The following ADAMTS19 variants were observed in gnomAD, a reference collection of about 807,000 sequenced individuals.
ADAMTS19 encodes A disintegrin and metalloproteinase with thrombospondin motifs 19.
ADAMTS19 carries 93 observed loss-of-function variants against 153.3 expected under a neutral mutation model. The ratio of observed to expected loss-of-function variants is 0.61; its 90% confidence interval spans 0.51 to 0.72. The LOEUF (loss-of-function observed/expected upper bound fraction) is 0.72, where lower values mean the gene tolerates loss of function less well. Among genes scored for constraint, ADAMTS19 ranks in the 30% least tolerant of loss-of-function variants. ADAMTS19 has a pLI of 0.00. For missense variants in ADAMTS19, 1,482 were observed against 1,552.1 expected (o/e 0.95, Z 0.76); for synonymous variants, 600 against 556.6 (o/e 1.08, Z -1.10).
At chr5:129,630,318 G>A (rs1010478923) in intron 10 of ADAMTS19, among the ~76,000 whole-genome samples, 1 of 152,158 alleles carries the variant, frequency 6.6e-6, no homozygotes, top group African/African-American at 2.4e-5. Flanking sequence ...TTTAAAAAAG[G>A]CTTAACATGA....
Position 129,506,508 on chromosome 5 carries a change from G to T in ADAMTS19, c.748-2569G>T, listed in dbSNP as rs918042558. ...GTGCAGGTTAGTTACATATGTATAC[G>T]TGTGCCATGTTGGTGTCCTGCACCC... On this transcript the variant is annotated intron_variant, in intron 2 of 22. Coordinates refer to ENST00000274487, the MANE Select transcript of ADAMTS19 (RefSeq NM_133638.6). Among the ~76,000 whole-genome samples, 3 of 151,594 alleles carry T rather than the reference G, an allele frequency of 2.0e-5. No homozygotes were observed. The South Asian group carries it at 6.2e-4, about 32-fold the overall frequency.
intron 8 of ADAMTS19, among the ~76,000 whole-genome samples, chr5:129,597,914 G>A (rs144985916): frequency 3.0e-5 from 4 of 134,242 alleles, no homozygotes; most frequent in African/African-American, 5.4e-5. Flanking sequence ...AAAAAAAAAA[G>A]AAAAAAAGAA....
chr5:129,642,344 T>C (rs30686), intron 11 of ADAMTS19, among the ~76,000 whole-genome samples: 62,779 of 151,770 alleles, frequency 0.41, 14,344 homozygotes, highest in African/African-American at 0.62. Context: ...ATAATTGACT[T>C]AGGAGAGCAA....
intron 10 of ADAMTS19, among the ~76,000 whole-genome samples, chr5:129,631,744 A>G (rs569944737): frequency 1.3e-5 from 2 of 152,096 alleles, no homozygotes; most frequent in Admixed American, 1.3e-4. Context: ...TACTATTTCA[A>G]CTGAGCCTCT....
chr5:129,647,954 T>G (rs1287863376), intron 12 of ADAMTS19, 59 bp downstream of exon 12: 1 of 1,558,874 alleles, frequency 6.4e-7, no homozygotes, highest in Non-Finnish European at 8.7e-7. Flanking sequence ...TGCAAAGGTT[T>G]TACTGATAAA....
In ADAMTS19 at chr5:129,719,085, TTTTCC is replaced by T. The variant is rs1190184678; in HGVS notation, c.3312+14698_3312+14702del. 3.2e-4 allele frequency among the ~76,000 whole-genome samples: 48 copies of T among 152,302 alleles called. 1 individual carries two copies. In the East Asian group the frequency reaches 8.9e-3, roughly 28 times the overall value. On this transcript the variant is annotated intron_variant, in intron 21 of 22. Coordinates refer to ENST00000274487, the MANE Select transcript of ADAMTS19 (RefSeq NM_133638.6). ...CCCCTAAATGCACTGAAATGTTTTTTTTTCCTTTAAGAATTAAAAAACAGACTGCT... is the reference window on the plus strand; with the variant it reads ...CCCCTAAATGCACTGAAATGTTTTTTTTTAAGAATTAAAAAACAGACTGCT...
chr5:129,546,465 T>C (rs1417885062), intron 6 of ADAMTS19, among the ~76,000 whole-genome samples: 1 of 150,646 alleles, frequency 6.6e-6, no homozygotes, highest in Non-Finnish European at 1.5e-5. Context: ...TGTAGAATTA[T>C]AAAGACGGAA....
chr5:129,564,095 A>AT (rs1319418313), intron 7 of ADAMTS19, among the ~76,000 whole-genome samples: 3 of 151,962 alleles, frequency 2.0e-5, no homozygotes, highest in Non-Finnish European at 4.4e-5. Flanking sequence ...AATTTTTTGT[A>AT]TTTTTAGTAG....
chr5:129,645,089 T>TA (rs1373952855), intron 11 of ADAMTS19, among the ~76,000 whole-genome samples: 4 of 152,172 alleles, frequency 2.6e-5, no homozygotes, highest in African/African-American at 9.7e-5. Flanking sequence ...CATGTCCACA[T>TA]AAAAATTTAG....
intron 3 of ADAMTS19, among the ~76,000 whole-genome samples, chr5:129,522,765 A>G (rs186083924): frequency 6.6e-6 from 1 of 152,190 alleles, no homozygotes; most frequent in Non-Finnish European, 1.5e-5. Flanking sequence ...TCAAGAATCC[A>G]AGAGATAAGG....
intron 17 of ADAMTS19, among the ~76,000 whole-genome samples, chr5:129,683,340 T>A (rs1754913507): frequency 1.3e-5 from 2 of 151,896 alleles, no homozygotes; most frequent in Non-Finnish European, 2.9e-5. Context: ...GGTCCCTGCA[T>A]ATAGTTCAGT....
intron 2 of ADAMTS19, among the ~76,000 whole-genome samples, chr5:129,466,573 T>C (rs905889915): frequency 6.6e-6 from 1 of 152,118 alleles, no homozygotes; most frequent in Non-Finnish European, 1.5e-5. Context: ...ATTTGTGATA[T>C]GGAAGATCAA....
intron 6 of ADAMTS19, among the ~76,000 whole-genome samples, chr5:129,534,509 T>G (rs1353224610): frequency 2.0e-5 from 3 of 152,160 alleles, no homozygotes; most frequent in Non-Finnish European, 4.4e-5. Flanking sequence ...GAGGAGCTGG[T>G]ACCATTCCTT....
In ADAMTS19 at chr5:129,461,203, G is replaced by A; in HGVS notation, c.193G>A (p.Asp65Asn). The stretch of plus-strand genomic sequence containing the variant: ...GGCTGGCGGCAGCGGGGGCAGCGCG[G>A]ACCCGGGCTGGGTGCGCGGCGTTGG... ...DPAGGSGGSA[D>N]PGWVRGVGGG... Residue 65 changes from aspartate (D) to asparagine (N), a missense_variant, in exon 2 of 23, where the codon GAC becomes AAC. Transcript: ENST00000274487. This position sits in a 1 kb window ranked among gnomAD's most constrained non-coding sequence, Gnocchi z 4.6. 7.7e-7 allele frequency: 1 copy of A among 1,304,342 alleles called. No homozygotes were observed. Among genetic ancestry groups the A allele is most frequent in the Non-Finnish European group, 9.7e-7 (1 of 1,031,422 alleles). The allele number at this position is 1,304,342 out of a possible 1,614,324, so 80.8% of individuals were successfully genotyped here.
chr5:129,632,354 T>G (rs974176753), intron 10 of ADAMTS19, among the ~76,000 whole-genome samples: 26 of 152,076 alleles, frequency 1.7e-4, no homozygotes, highest in Admixed American at 6.6e-4. Context: ...ATGATATATA[T>G]ATATAGATAT....
chr5:129,707,509 C>G (rs1480209184), intron 21 of ADAMTS19, among the ~76,000 whole-genome samples: 1 of 152,180 alleles, frequency 6.6e-6, no homozygotes, highest in Non-Finnish European at 1.5e-5. Context: ...ATTGGTTTCA[C>G]CCTTCATTTT....
At chr5:129,600,225 A>C (rs191538333) in intron 8 of ADAMTS19, among the ~76,000 whole-genome samples, 137 of 152,314 alleles carry the variant, frequency 9.0e-4, no homozygotes, top group Middle Eastern at 3.4e-3. Context: ...ACACACACAC[A>C]AACACATACA....
chr5:129,631,657 C>A (rs1038519372), intron 10 of ADAMTS19, among the ~76,000 whole-genome samples: 3 of 151,762 alleles, frequency 2.0e-5, no homozygotes, highest in Admixed American at 6.6e-5. Context: ...TTTATTATAT[C>A]TGATATTAAT....
At chr5:129,481,336 C>T (rs1301983319) in intron 2 of ADAMTS19, among the ~76,000 whole-genome samples, 3 of 152,114 alleles carry the variant, frequency 2.0e-5, no homozygotes, top group Non-Finnish European at 4.4e-5. Context: ...ATCACTAGAA[C>T]AGCGTGGGGG....
Sources: allele counts gnomAD v4.1 joint callset (sites outside exome capture counted in the v4.1 genomes callset), GRCh38; gene constraint gnomAD v4.1.1; non-coding constraint Gnocchi (gnomAD v3.1); transcripts MANE v1.5; gene names NCBI Gene and HGNC (gene_info 2026-07-23, HGNC 2026-07-21).